The following CLTCL1 variants were observed in gnomAD, a reference collection of about 807,000 sequenced individuals.
CLTCL1 encodes the protein clathrin heavy chain 2.
In CLTCL1, 159 loss-of-function variants were observed where a neutral mutation model predicts 190.0. That is an observed-to-expected ratio of 0.84 (90% CI 0.74 to 0.95). The LOEUF (loss-of-function observed/expected upper bound fraction) is 0.95, where lower values mean the gene tolerates loss of function less well. Ranked by LOEUF, CLTCL1 falls within the 40% of genes least tolerant of loss-of-function variation. CLTCL1 has a pLI of 0.00. For missense variants in CLTCL1, 1,878 were observed against 2,033.4 expected (o/e 0.92, Z 1.47); for synonymous variants, 752 against 769.6 (o/e 0.98, Z 0.38).
intron 26 of CLTCL1, among the ~76,000 whole-genome samples, chr22:19,193,454 G>A (rs1292121026): frequency 6.6e-6 from 1 of 152,172 alleles, no homozygotes; most frequent in Non-Finnish European, 1.5e-5. Flanking sequence ...TGAAAGACAG[G>A]ATGGGGTGAG....
rs539227366 is a variant in CLTCL1, at chr22:19,232,954, T to A, written c.1521+212A>T. On this transcript the variant is annotated intron_variant, in intron 9 of 32. Coordinates refer to ENST00000427926, the MANE Select transcript of CLTCL1 (RefSeq NM_007098.4). ...GAAAAAACAAGATAAAGCTCCCAAA[T>A]AAAACGAAGATGGAAGGACTGGAAA... 301 of 602,836 alleles carry A rather than the reference T, an allele frequency of 5.0e-4. 4 individuals are homozygous for A. The South Asian group carries it at 7.2e-3, about 14-fold the overall frequency. 37.3% of individuals were successfully genotyped at this position (602,836 alleles called of 1,614,324 possible).
At chr22:19,257,102 G>A (rs929112269) in intron 2 of CLTCL1, among the ~76,000 whole-genome samples, 2 of 152,126 alleles carry the variant, frequency 1.3e-5, no homozygotes, top group Non-Finnish European at 2.9e-5. Context: ...ATTCTAAAAT[G>A]TATATGGAAC....
At chr22:19,181,092 T>A (rs2084121674) in intron 30 of CLTCL1, 1 of 486,222 alleles carries the variant, frequency 2.1e-6, no homozygotes, top group Non-Finnish European at 3.7e-6. Flanking sequence ...AGGCTGTGCA[T>A]GTGGCCTGCT....
rs2084704714 is a variant in CLTCL1, at chr22:19,196,356, C to A, written c.4101G>T (p.Lys1367Asn). ...LWAELVFLYD[K>N]YEEYDNAVLT... is the part of the protein sequence containing the mutation. ...GCACAGCATTGTCATACTCCTCGTACTTGTCATAGAGGAACACCAGCTCAG... is the reference window on the plus strand; with the variant it reads ...GCACAGCATTGTCATACTCCTCGTAATTGTCATAGAGGAACACCAGCTCAG... Residue 1367 changes from lysine to asparagine, a missense_variant, in exon 26 of 33, where the codon AAG becomes AAT. Lys to Asn is a moderately conservative substitution (Grantham distance 94). Coordinates refer to ENST00000427926, the MANE Select transcript of CLTCL1 (RefSeq NM_007098.4). 1 of 1,613,934 alleles carries A rather than the reference C, an allele frequency of 6.2e-7. No individual in the cohort carries two copies. The highest frequency in any genetic ancestry group is 1.3e-5 in the African/African-American group (1 of 74,946).
At chr22:19,213,132 C>A (rs2145672984) in intron 19 of CLTCL1, among the ~76,000 whole-genome samples, 1 of 152,274 alleles carries the variant, frequency 6.6e-6, no homozygotes, top group African/African-American at 2.4e-5. Flanking sequence ...CAACAAAAAA[C>A]CAAACAACCC....
chr22:19,276,554 C>A (rs559543911), intron 1 of CLTCL1, among the ~76,000 whole-genome samples: 1 of 152,260 alleles, frequency 6.6e-6, no homozygotes, highest in African/African-American at 2.4e-5. Context: ...GTGAAAAACT[C>A]TGGGAAAACA....
rs781806518 is a variant in CLTCL1 at position 19,229,992 on chromosome 22, C to T, written c.1645-17G>A. 2 of 1,586,444 alleles carry T rather than the reference C, an allele frequency of 1.3e-6. No individual in the cohort carries two copies. The highest frequency in any genetic ancestry group is 1.7e-6 in the Non-Finnish European group (2 of 1,167,230). On this transcript the variant is annotated splice_polypyrimidine_tract_variant and intron_variant, in intron 10 of 32. Coordinates refer to ENST00000427926, the MANE Select transcript of CLTCL1 (RefSeq NM_007098.4). The stretch of plus-strand genomic sequence containing the variant: ...GTCCACAATCTGAAACATATCCAAG[C>T]CACATTTTCACTCAGTATGTTTTCA...
chr22:19,179,997 A>T (rs1267612394), intron 32 of CLTCL1, 28 bp from the exon 33 acceptor site: 9 of 594,208 alleles, frequency 1.5e-5, no homozygotes, highest in Non-Finnish European at 2.4e-5. Context: ...CACAATGAGC[A>T]GAGCTCTTCC....
intron 2 of CLTCL1, among the ~76,000 whole-genome samples, chr22:19,268,134 G>A (rs2087181946): frequency 6.6e-6 from 1 of 152,146 alleles, no homozygotes; most frequent in African/African-American, 2.4e-5. Flanking sequence ...AAGCCCTCAT[G>A]TTCTCACAAA....
intron 22 of CLTCL1, among the ~76,000 whole-genome samples, chr22:19,205,223 T>G (rs2085012912): frequency 6.6e-6 from 1 of 152,174 alleles, no homozygotes; most frequent in South Asian, 2.1e-4. Flanking sequence ...ATTTAACTAT[T>G]TCTTGGCCGG....
chr22:19,180,575 C>G (rs182296306), intron 31 of CLTCL1, among the ~76,000 whole-genome samples, 156 bp downstream of exon 31: 6 of 152,196 alleles, frequency 3.9e-5, no homozygotes, highest in Non-Finnish European at 7.4e-5. Flanking sequence ...CATTCCTGGG[C>G]GTACACTTCT....
chr22:19,238,557 G>T, intron 5 of CLTCL1: 1 of 217,148 alleles, frequency 4.6e-6, no homozygotes, highest in Non-Finnish European at 1.0e-5. Flanking sequence ...AGGCCCTGCT[G>T]ACATGTGTTT....
chr22:19,211,256 C>A (rs2085211185), intron 19 of CLTCL1, among the ~76,000 whole-genome samples: 1 of 152,104 alleles, frequency 6.6e-6, no homozygotes, highest in African/African-American at 2.4e-5. Flanking sequence ...AAGGAAACTT[C>A]CTCAATCTGA....
intron 27 of CLTCL1, among the ~76,000 whole-genome samples, chr22:19,188,782 T>C (rs945781986): frequency 6.6e-6 from 1 of 151,362 alleles, no homozygotes; most frequent in Non-Finnish European, 1.5e-5. Flanking sequence ...CCTGGCTAAT[T>C]TTTGTATTTT....
chr22:19,237,777 A>G (rs1555962930), intron 5 of CLTCL1, among the ~76,000 whole-genome samples: 1 of 152,246 alleles, frequency 6.6e-6, no homozygotes, highest in African/African-American at 2.4e-5. Context: ...AGGCTAGTGC[A>G]GAGCCATTTT....
At chr22:19,276,362 A>C (rs1411018180) in intron 1 of CLTCL1, among the ~76,000 whole-genome samples, 1 of 152,198 alleles carries the variant, frequency 6.6e-6, no homozygotes, top group Non-Finnish European at 1.5e-5. Context: ...ATGAATTTCT[A>C]AGTCAGTGTG....
chr22:19,258,826 C>A, intron 2 of CLTCL1: 2 of 643,174 alleles, frequency 3.1e-6, no homozygotes, highest in African/African-American at 1.8e-5. Flanking sequence ...AGCAGGGTAC[C>A]CTTTGGGGAG....
At chr22:19,221,834 A>C (rs2085580678) in intron 16 of CLTCL1, 117 bp downstream of exon 16, 1 of 1,183,842 alleles carries the variant, frequency 8.4e-7, no homozygotes, top group Non-Finnish European at 1.2e-6. Context: ...TCATTGCTAC[A>C]TCTAAGATGT....
Position 19,187,566 on chromosome 22 carries a change from G to A in CLTCL1, c.4597C>T (p.Leu1533Phe). 1 of 1,611,392 alleles carries A rather than the reference G, an allele frequency of 6.2e-7. No homozygotes were observed. The highest frequency in any genetic ancestry group is 8.5e-7 in the Non-Finnish European group (1 of 1,179,140). Reference sequence around the variant, plus strand: ...GGGCCCAGGCCACCAACCTTGTAGAGATGATCCTTCTTGCAGAGCTCCACG... The same window carrying A: ...GGGCCCAGGCCACCAACCTTGTAGAAATGATCCTTCTTGCAGAGCTCCACG... ...QSVELCKKDH[L>F]YKDAMQHAAE... is the part of the protein sequence containing the mutation. The change falls in exon 29 of 33, where the codon CTC becomes TTC. Residue 1533 changes from leucine to phenylalanine, a missense_variant. Transcript: ENST00000427926.
Sources: gnomAD v4.1 joint callset for allele counts (sites outside exome capture counted in the v4.1 genomes callset) on GRCh38, gnomAD v4.1.1 for gene constraint, MANE v1.5 for transcripts, NCBI Gene and HGNC (gene_info 2026-07-23, HGNC 2026-07-21) for gene names.